ZNF267: variants seen among roughly 807,000 people sequenced by gnomAD.
ZNF267 encodes the protein zinc finger (C2H2).
ZNF267 carries 61 observed loss-of-function variants against 71.6 expected under a neutral mutation model. The ratio of observed to expected loss-of-function variants is 0.85; its 90% CI spans 0.69 to 1.05. The LOEUF (loss-of-function observed/expected upper bound fraction) is 1.05. Ranked by LOEUF, ZNF267 falls within the 50% of genes least tolerant of loss-of-function variation. ZNF267 has a pLI of 0.00. For missense variants in ZNF267, 852 were observed against 870.0 expected (o/e 0.98, Z 0.26); for synonymous variants, 288 against 293.2 (o/e 0.98, Z 0.18).
At position 31,875,263 on chromosome 16, in the gene ZNF267, T is replaced by C. The variant is rs1160212175; in HGVS notation, c.3+1294T>C. On this transcript the variant is annotated intron_variant, in intron 1 of 3. Coordinates refer to ENST00000300870, the MANE Select transcript of ZNF267 (RefSeq NM_003414.6). ...CATGTCTCCTGGAGTGTTTAGTGAC[T>C]GTCAGCCCCAGGTCACCTCCTGTTA... 5 of 1,289,244 alleles carry C rather than the reference T, an allele frequency of 3.9e-6. No homozygotes were observed. In the East Asian group the frequency reaches 2.8e-4, roughly 72 times the overall value. 79.9% of individuals were successfully genotyped at this position (1,289,244 alleles called of 1,614,324 possible). A position where few individuals can be genotyped will look rare whatever the true frequency, so the allele number is the denominator to read the frequency against.
chr16:31,883,535 C>T (rs1045962794), intron 1 of ZNF267, among the ~76,000 whole-genome samples: 1 of 152,096 alleles, frequency 6.6e-6, no homozygotes, highest in Non-Finnish European at 1.5e-5. Context: ...GTATATTGGC[C>T]GGTATGTCCC....
At chr16:31,909,403 G>T (rs2084118909) in intron 3 of ZNF267, among the ~76,000 whole-genome samples, 1 of 151,962 alleles carries the variant, frequency 6.6e-6, no homozygotes, top group African/African-American at 2.4e-5. Flanking sequence ...AGGGTGCTGG[G>T]ATTACAGGTG....
At chr16:31,908,339 C>T (rs1251434802) in intron 3 of ZNF267, among the ~76,000 whole-genome samples, 1 of 152,120 alleles carries the variant, frequency 6.6e-6, no homozygotes, top group Non-Finnish European at 1.5e-5. Flanking sequence ...TATTTTCTCC[C>T]ATTCTGTGGG....
intron 3 of ZNF267, among the ~76,000 whole-genome samples, chr16:31,891,550 A>G (rs1270411125): frequency 3.9e-5 from 6 of 152,152 alleles, no homozygotes; most frequent in African/African-American, 7.2e-5. Context: ...GAGGGACCCA[A>G]TGGGAGGTAA....
chr16:31,915,102 C>T lies in ZNF267; in HGVS notation c.853C>T (p.His285Tyr). Residue 285 changes from histidine (H) to tyrosine (Y), a missense_variant, in exon 4 of 4, where the codon CAT (histidine) becomes TAT (tyrosine). Physicochemically the swap from His to Tyr is moderately conservative, Grantham distance 83. Coordinates refer to ENST00000300870, the MANE Select transcript of ZNF267 (RefSeq NM_003414.6). ...VCTQSLKHIQ[H>Y]QTIHIRENSY... ...TACCCAGTCATTAAAACATATTCAA[C>T]ATCAGACCATCCATATCAGAGAAAA... 2 of 1,613,042 alleles carry T rather than the reference C, an allele frequency of 1.2e-6. No homozygotes were observed. The highest frequency in any genetic ancestry group is 1.7e-6 in the Non-Finnish European group (2 of 1,179,856).
intron 1 of ZNF267, among the ~76,000 whole-genome samples, chr16:31,881,230 A>G (rs2083887834): frequency 6.6e-6 from 1 of 152,206 alleles, no homozygotes; most frequent in East Asian, 1.9e-4. Context: ...ATGGGAGTCA[A>G]GTTCTTGTTG....
intron 3 of ZNF267, among the ~76,000 whole-genome samples, chr16:31,899,567 A>G (rs1436147308): frequency 1.3e-5 from 2 of 152,216 alleles, no homozygotes; most frequent in Admixed American, 1.3e-4. Flanking sequence ...CTAAATGCCC[A>G]CAAGAGAAAG....
At position 31,914,791 on chromosome 16, in the gene ZNF267, T is replaced by C. The variant is rs767901884; in HGVS notation, c.542T>C (p.Ile181Thr). 1.2e-6 allele frequency: 2 copies of C among 1,613,248 alleles called. No homozygotes were observed. The highest frequency in any genetic ancestry group is 1.1e-5 in the South Asian group (1 of 90,770). The change falls in exon 4 of 4, where the codon ATA becomes ACA. Residue 181 changes from isoleucine to threonine, a missense_variant. Ile to Thr is a moderately conservative substitution (Grantham distance 89). Transcript: ENST00000300870. Reference protein sequence around the residue: ...HSSLLNQQEEIDIWGKHHIYD... With the variant: ...HSSLLNQQEETDIWGKHHIYD... ...TCATTGCTTAATCAACAAGAGGAAA[T>C]AGATATTTGGGGAAAACATCACATA... is the stretch of plus-strand genomic sequence containing the variant.
intron 3 of ZNF267, among the ~76,000 whole-genome samples, chr16:31,910,023 C>T (rs1039947623): frequency 6.6e-6 from 1 of 152,120 alleles, no homozygotes; most frequent in Non-Finnish European, 1.5e-5. Flanking sequence ...TTGAAATGAT[C>T]ATATGATTTT....
At chr16:31,900,116 A>T (rs2084027953) in intron 3 of ZNF267, among the ~76,000 whole-genome samples, 1 of 151,870 alleles carries the variant, frequency 6.6e-6, no homozygotes, top group Non-Finnish European at 1.5e-5. Context: ...TGTATCCTAT[A>T]TTTCCATGTA....
chr16:31,913,198 T>C (rs2084148084), intron 3 of ZNF267: 2 of 152,244 alleles, frequency 1.3e-5, no homozygotes, highest in South Asian at 4.1e-4. Flanking sequence ...AACGTTGTTC[T>C]TGCAGACTCA....
At chr16:31,906,450 G>A (rs916453831) in intron 3 of ZNF267, among the ~76,000 whole-genome samples, 2 of 152,202 alleles carry the variant, frequency 1.3e-5, no homozygotes, top group Non-Finnish European at 2.9e-5. Context: ...GGACCGCTTT[G>A]TTTACCTACT....
chr16:31,915,272 G>A lies in ZNF267; in HGVS notation c.1023G>A (p.Gln341=). Residue 341 remains glutamine (Q), a synonymous_variant, in exon 4 of 4, where the codon CAG becomes CAA. Coordinates refer to ENST00000300870, the MANE Select transcript of ZNF267 (RefSeq NM_003414.6). ...ATAGTTTGCACCTTACTCAACATCAGATCATTCCTACCGAAGAGAAACCCT... is the reference window on the plus strand; with the variant it reads ...ATAGTTTGCACCTTACTCAACATCAAATCATTCCTACCGAAGAGAAACCCT... The part of the protein sequence containing the change: ...LNHSLHLTQH[Q]IIPTEEKPCK... 1 of 1,613,872 alleles carries A rather than the reference G, an allele frequency of 6.2e-7. No individual in the cohort carries two copies. Among genetic ancestry groups the A allele is most frequent in the Non-Finnish European group, 8.5e-7 (1 of 1,179,858 alleles).
chr16:31,897,424 A>C (rs1198652335), intron 3 of ZNF267, among the ~76,000 whole-genome samples: 1 of 152,098 alleles, frequency 6.6e-6, no homozygotes, highest in Non-Finnish European at 1.5e-5. Context: ...TACTATATAC[A>C]TGAGGATTTA....
chr16:31,913,358 A>G (rs1256985657), intron 3 of ZNF267: 2 of 152,272 alleles, frequency 1.3e-5, no homozygotes, highest in African/African-American at 4.8e-5. Flanking sequence ...GGGATGACAT[A>G]AGCTTCCCTG....
intron 3 of ZNF267, among the ~76,000 whole-genome samples, chr16:31,901,073 G>A (rs1302462368): frequency 1.3e-5 from 2 of 151,950 alleles, no homozygotes; most frequent in Non-Finnish European, 2.9e-5. Flanking sequence ...TCCTTGGGAT[G>A]GTTTGCTGAG....
At chr16:31,905,373 C>T (rs1254747244) in intron 3 of ZNF267, among the ~76,000 whole-genome samples, 3 of 152,166 alleles carry the variant, frequency 2.0e-5, no homozygotes, top group African/African-American at 7.2e-5. Flanking sequence ...TAATATCCTG[C>T]AGAGTGTTTT....
At chr16:31,904,634 C>G (rs1230140983) in intron 3 of ZNF267, among the ~76,000 whole-genome samples, 1 of 152,074 alleles carries the variant, frequency 6.6e-6, no homozygotes. Flanking sequence ...TTTCCATTTG[C>G]TTGGTAGATC....
In ZNF267 at chr16:31,916,477, T is replaced by A. The variant is rs770826173; in HGVS notation, c.2228T>A (p.Leu743His). 2 of 1,603,588 alleles carry A rather than the reference T, an allele frequency of 1.2e-6. No homozygotes were observed. The highest frequency in any genetic ancestry group is 2.7e-5 in the African/African-American group (2 of 74,336). Residue 743 changes from leucine (L) to histidine (H), a missense_variant, in exon 4 of 4, where the codon CTT becomes CAT. By Grantham distance (99) the Leu-to-His change is moderately conservative. Transcript: ENST00000300870. ...AHQRSHTREK[L>H] ...CAGAGAAGTCATACTAGAGAAAAAC[T>A]TTAAAAATGTAAAACATGGAGCAGA...
Sources: gnomAD v4.1 joint callset for allele counts (sites outside exome capture counted in the v4.1 genomes callset) on GRCh38, gnomAD v4.1.1 for gene constraint, MANE v1.5 for transcripts, NCBI Gene and HGNC (gene_info 2026-07-23, HGNC 2026-07-21) for gene names.